Variants in MYLK observed in about 807,000 individuals in gnomAD.
The protein encoded by MYLK is myosin light chain kinase, smooth muscle.
A neutral mutation model predicts 203.4 loss-of-function variants in MYLK; 106 were observed. That is an observed-to-expected ratio of 0.52 (90% CI 0.45 to 0.61). The LOEUF (loss-of-function observed/expected upper bound fraction) is 0.61, where lower values mean the gene tolerates loss of function less well. Among genes scored for constraint, MYLK ranks in the 20% least tolerant of loss-of-function variants. The pLI is 0.00. For synonymous variants in MYLK, 867 were observed against 959.5 expected (o/e 0.90, Z 1.78); for missense variants, 2,072 against 2,442.3 (o/e 0.85, Z 3.20).
chr3:123,713,021 T>C (rs1387612856), intron 13 of MYLK, among the ~76,000 whole-genome samples: 1 of 152,200 alleles, frequency 6.6e-6, no homozygotes, highest in African/African-American at 2.4e-5. Flanking sequence ...GGAATACAAA[T>C]GCGTTGCTTA....
chr3:123,718,292 T>C (rs1165106291), intron 13 of MYLK, among the ~76,000 whole-genome samples: 1 of 152,128 alleles, frequency 6.6e-6, no homozygotes, highest in African/African-American at 2.4e-5. Flanking sequence ...ACCTCTGTGC[T>C]CTCATCCATT....
chr3:123,634,639 C>G (rs980948540), intron 29 of MYLK, among the ~76,000 whole-genome samples: 2 of 152,210 alleles, frequency 1.3e-5, no homozygotes, highest in Non-Finnish European at 2.9e-5. Flanking sequence ...GGAAGCAGAG[C>G]AGCCATTGCT....
chr3:123,844,760 GA>G (rs2066671550), intron 2 of MYLK, among the ~76,000 whole-genome samples: 1 of 150,024 alleles, frequency 6.7e-6, no homozygotes. Context: ...ACCTCACCTT[GA>G]TAACTCCAGC....
intron 19 of MYLK, chr3:123,691,473 GT>G (rs1302356078): frequency 6.6e-6 from 1 of 152,212 alleles, no homozygotes; most frequent in Admixed American, 6.5e-5. Context: ...TATTAGATGA[GT>G]TCAGCTTACC....
chr3:123,836,499 C>A (rs1274310753), intron 2 of MYLK, among the ~76,000 whole-genome samples: 1 of 152,186 alleles, frequency 6.6e-6, no homozygotes, highest in Non-Finnish European at 1.5e-5. Context: ...ATACCAGAAA[C>A]ATCAAGAAAC....
intron 9 of MYLK, chr3:123,734,811 A>T (rs1272309594): frequency 6.0e-6 from 1 of 167,362 alleles, no homozygotes; most frequent in Non-Finnish European, 1.3e-5. Context: ...TTTGGAGCAC[A>T]CTCCCTGAGC....
chr3:123,811,021 T>C (rs2109231173), intron 3 of MYLK, among the ~76,000 whole-genome samples: 1 of 152,216 alleles, frequency 6.6e-6, no homozygotes, highest in Admixed American at 6.5e-5. Flanking sequence ...CAGCCCTAAA[T>C]CTCTTCTAGA....
intron 4 of MYLK, among the ~76,000 whole-genome samples, chr3:123,793,107 T>A (rs1372213910): frequency 2.0e-5 from 3 of 152,160 alleles, no homozygotes; most frequent in African/African-American, 7.2e-5. Context: ...CTCCTTTGAG[T>A]ACAAGGTAGA....
At chr3:123,618,959 G>A (rs1404319712) in intron 32 of MYLK, among the ~76,000 whole-genome samples, 189 bp from the exon 33 acceptor site, 1 of 152,226 alleles carries the variant, frequency 6.6e-6, no homozygotes, top group Non-Finnish European at 1.5e-5. Flanking sequence ...TTTGGCAGAA[G>A]AAGGAACTGT....
rs191335838 is a variant in MYLK at position 123,669,190 on chromosome 3, C to T, written c.3653-2003G>A. On this transcript the variant is annotated intron_variant, in intron 20 of 33. Coordinates refer to ENST00000360304, the MANE Select transcript of MYLK (RefSeq NM_053025.4). ...CTGAGATCACCGAGCTGATGGCTGC[C>T]GGCTGTGTGGTTAAGCCCAGGATGA... Among the ~76,000 whole-genome samples the T allele has an allele frequency of 4.6e-3, 695 of 152,320 alleles. 6 individuals are homozygous for T. The highest frequency in any genetic ancestry group is 0.015 in the African/African-American group (642 of 41,572).
chr3:123,727,111 AT>A (rs771435045), intron 11 of MYLK, among the ~76,000 whole-genome samples: 12 of 152,202 alleles, frequency 7.9e-5, no homozygotes, highest in Non-Finnish European at 1.6e-4. Flanking sequence ...AAGGTTACTA[AT>A]TTCCCATAGT....
intron 9 of MYLK, chr3:123,735,019 G>A (rs531837404): frequency 3.3e-5 from 11 of 338,314 alleles, no homozygotes; most frequent in Admixed American, 7.6e-5. Context: ...ATCTAGCGCC[G>A]AGCCTCACAC....
intron 2 of MYLK, among the ~76,000 whole-genome samples, chr3:123,868,909 T>C (rs933984392): frequency 6.6e-6 from 1 of 152,216 alleles, no homozygotes; most frequent in African/African-American, 2.4e-5. Flanking sequence ...ATTAACATTG[T>C]TTTTAACCAG....
intron 1 of MYLK, among the ~76,000 whole-genome samples, chr3:123,880,980 C>T (rs1380317363): frequency 2.0e-5 from 3 of 152,226 alleles, no homozygotes. Context: ...GAGGGGAATG[C>T]ATTTGCTCAA....
intron 18 of MYLK, among the ~76,000 whole-genome samples, chr3:123,697,630 T>C (rs2060986047): frequency 6.6e-6 from 1 of 152,194 alleles, no homozygotes; most frequent in Non-Finnish European, 1.5e-5. Context: ...TTAACTTCTC[T>C]GTTAGGTGGA....
intron 4 of MYLK, among the ~76,000 whole-genome samples, chr3:123,786,783 G>T (rs1355608397): frequency 6.6e-6 from 1 of 151,884 alleles, no homozygotes; most frequent in Non-Finnish European, 1.5e-5. Context: ...TTCCTACTAT[G>T]AACTCACAAA....
chr3:123,857,998 C>T (rs78911852), intron 2 of MYLK, among the ~76,000 whole-genome samples: 2,119 of 152,198 alleles, frequency 0.014, 63 homozygotes, highest in African/African-American at 0.049. Context: ...CTCTCAGCCA[C>T]GGGCATAATG....
intron 3 of MYLK, among the ~76,000 whole-genome samples, chr3:123,813,151 A>G (rs994838699): frequency 2.6e-5 from 4 of 152,198 alleles, no homozygotes; most frequent in Admixed American, 6.5e-5. Context: ...TGATTTTTGC[A>G]CTAGCCATAC....
chr3:123,722,727 C>G (rs987086009), intron 12 of MYLK, among the ~76,000 whole-genome samples: 8 of 152,164 alleles, frequency 5.3e-5, no homozygotes, highest in Admixed American at 2.0e-4. Context: ...CCAGGCTGAA[C>G]ATGGGGTGCC....
Sources: gnomAD v4.1 joint callset for allele counts (sites outside exome capture counted in the v4.1 genomes callset) on GRCh38, gnomAD v4.1.1 for gene constraint, MANE v1.5 for transcripts, NCBI Gene and HGNC (gene_info 2026-07-23, HGNC 2026-07-21) for gene names.